ZNF407: variants seen among roughly 807,000 people sequenced by gnomAD.
ZNF407 encodes the protein zinc finger protein 407.
Under a neutral mutation model 131.2 loss-of-function variants are expected in ZNF407, and 17 were observed. The ratio of observed to expected loss-of-function variants is 0.13; its 90% CI spans 0.09 to 0.19. ZNF407 has a LOEUF of 0.19. ZNF407 is among the 10% of genes least tolerant of loss of function. The pLI is 1.00. For missense variants in ZNF407, 2,681 were observed against 2,830.6 expected (o/e 0.95, Z 1.20); for synonymous variants, 1,156 against 1,062.0 (o/e 1.09, Z -1.72).
chr18:74,638,910 G>A (rs1022623156), intron 2 of ZNF407, among the ~76,000 whole-genome samples: 2 of 152,024 alleles, frequency 1.3e-5, no homozygotes, highest in African/African-American at 4.8e-5. Context: ...AAGGAAAAAA[G>A]GGCCCTTTTT....
intron 4 of ZNF407, among the ~76,000 whole-genome samples, chr18:74,793,216 A>G (rs913727193): frequency 6.6e-6 from 1 of 152,188 alleles, no homozygotes; most frequent in African/African-American, 2.4e-5. Flanking sequence ...AAAGAATCCA[A>G]CTGCTGGAGT....
chr18:75,013,341 G>A (rs1178960104), intron 8 of ZNF407, among the ~76,000 whole-genome samples: 1 of 152,068 alleles, frequency 6.6e-6, no homozygotes, highest in South Asian at 2.1e-4. Context: ...TTTATTAAGT[G>A]ATGGGTAGTT....
intron 4 of ZNF407, among the ~76,000 whole-genome samples, chr18:74,867,584 G>A (rs1568247666): frequency 6.6e-6 from 1 of 152,284 alleles, no homozygotes; most frequent in East Asian, 1.9e-4. Flanking sequence ...GTATCTGACT[G>A]CAAATGTGAT....
intron 4 of ZNF407, among the ~76,000 whole-genome samples, chr18:74,840,474 C>T (rs1432108425): frequency 6.6e-6 from 1 of 152,104 alleles, no homozygotes; most frequent in East Asian, 1.9e-4. Context: ...AGTGGAAAAA[C>T]TCGTTTATTC....
intron 3 of ZNF407, among the ~76,000 whole-genome samples, chr18:74,649,794 T>C (rs1985143196): frequency 6.6e-6 from 1 of 152,252 alleles, no homozygotes; most frequent in Admixed American, 6.5e-5. Flanking sequence ...TAGCTACCAT[T>C]CTTTTTAACA....
At chr18:74,742,559 C>A (rs1348413406) in intron 3 of ZNF407, among the ~76,000 whole-genome samples, 3 of 151,824 alleles carry the variant, frequency 2.0e-5, no homozygotes, top group Non-Finnish European at 4.4e-5. Context: ...TCAACTCTAC[C>A]CTTTAAAGTT....
chr18:74,936,804 T>C (rs1972045174), intron 8 of ZNF407, among the ~76,000 whole-genome samples: 1 of 152,210 alleles, frequency 6.6e-6, no homozygotes, highest in Non-Finnish European at 1.5e-5. Context: ...CTTTAATATT[T>C]CCAAATAATT....
At chr18:74,952,387 A>G (rs113743437) in intron 8 of ZNF407, among the ~76,000 whole-genome samples, 3,492 of 152,288 alleles carry the variant, frequency 0.023, 60 homozygotes, top group South Asian at 0.035. Flanking sequence ...ACTTGGGCAC[A>G]GGGAGTTTAG....
intron 5 of ZNF407, among the ~76,000 whole-genome samples, chr18:74,879,170 A>C (rs1971203445): frequency 6.6e-6 from 1 of 152,174 alleles, no homozygotes; most frequent in African/African-American, 2.4e-5. Context: ...TATAAATCTT[A>C]AGAGGGATTT....
At chr18:74,937,345 A>G (rs984679243) in intron 8 of ZNF407, among the ~76,000 whole-genome samples, 23 of 152,218 alleles carry the variant, frequency 1.5e-4, no homozygotes, top group African/African-American at 5.5e-4. Context: ...TCATGCTACT[A>G]TTAGTTTTAA....
chr18:74,728,116 A>G (rs1001111459), intron 3 of ZNF407, among the ~76,000 whole-genome samples: 2 of 152,208 alleles, frequency 1.3e-5, no homozygotes, highest in African/African-American at 4.8e-5. Context: ...TACATTAGAA[A>G]AAACTGCAGG....
chr18:74,625,863 G>A (rs1028863062), intron 1 of ZNF407, among the ~76,000 whole-genome samples: 18 of 152,136 alleles, frequency 1.2e-4, no homozygotes, highest in African/African-American at 4.3e-4. Flanking sequence ...TATATGGCTG[G>A]ATAAAATAAA....
In ZNF407 at chr18:74,635,846, G is replaced by A; in HGVS notation, c.4687+140G>A. 2.6e-6 allele frequency: 3 copies of A among 1,148,966 alleles called. No homozygotes were observed. Among genetic ancestry groups the A allele is most frequent in the Non-Finnish European group, 2.4e-6 (2 of 843,492 alleles). The allele number at this position is 1,148,966 out of a possible 1,614,324, so 71.2% of individuals were successfully genotyped here. On this transcript the variant is annotated intron_variant, in intron 2 of 8. Coordinates refer to ENST00000299687, the MANE Select transcript of ZNF407 (RefSeq NM_017757.3). This position sits in a 1 kb window ranked among gnomAD's most constrained non-coding sequence, Gnocchi z 4.7. ...CTGCCGTGTGCTGCTCTGCTTGTCT[G>A]CAATAAGTCATTGTTGACACTTAAC...
intron 8 of ZNF407, among the ~76,000 whole-genome samples, chr18:75,008,308 A>G (rs1398018892): frequency 6.6e-6 from 1 of 152,208 alleles, no homozygotes; most frequent in Non-Finnish European, 1.5e-5. Context: ...CTCATGATGA[A>G]TCATTATACA....
rs922642127 is a variant in ZNF407 at position 75,010,217 on chromosome 18, CT to C, written c.5429-52932del. 4.6e-5 allele frequency among the ~76,000 whole-genome samples: 7 copies of C among 152,302 alleles called. No individual in the cohort carries two copies. The East Asian group carries it at 9.6e-4, about 21-fold the overall frequency. On this transcript the variant is annotated intron_variant, in intron 8 of 8. Coordinates refer to ENST00000299687, the MANE Select transcript of ZNF407 (RefSeq NM_017757.3). ...AGAATTCCCAACCACATATTTCCCC[CT>C]GTCTACATGAGATTTCATCTCATGA...
chr18:74,634,511 T>C lies in ZNF407; in HGVS notation c.3492T>C (p.Phe1164=), dbSNP rs375338473. 34 of 1,613,760 alleles carry C rather than the reference T, an allele frequency of 2.1e-5. No homozygotes were observed. The highest frequency in any genetic ancestry group is 2.8e-5 in the Non-Finnish European group (33 of 1,179,896). The change falls in exon 2 of 9, where the codon TTT becomes TTC. Residue 1164 remains phenylalanine (F), a synonymous_variant. Coordinates refer to ENST00000299687, the MANE Select transcript of ZNF407 (RefSeq NM_017757.3). ...EESNFNEDHS[F]CETFQQAPVK... ...CTAATTTCAATGAAGACCATTCCTT[T>C]TGTGAGACTTTCCAACAGGCTCCTG...
At chr18:74,847,341 GT>G (rs1271394119) in intron 4 of ZNF407, among the ~76,000 whole-genome samples, 1 of 152,078 alleles carries the variant, frequency 6.6e-6, no homozygotes, top group Non-Finnish European at 1.5e-5. Flanking sequence ...ACCACTCCAT[GT>G]TTTTCTCCCT....
At position 74,916,554 on chromosome 18, in the gene ZNF407, T is replaced by A. The variant is rs1169904375; in HGVS notation, c.5250-3960T>A. 1.1e-4 allele frequency among the ~76,000 whole-genome samples: 5 copies of A among 47,448 alleles called. No individual in the cohort carries two copies. The South Asian group carries it at 2.4e-3, about 23-fold the overall frequency. 31.1% of individuals were successfully genotyped at this position (47,448 alleles called of 152,430 possible). On this transcript the variant is annotated intron_variant, in intron 7 of 8. Transcript: ENST00000299687. ...GTGCAGCATTGGTTCGAATCGGGAG[T>A]GTGTGTGTGTGTGTGTGTGCATGCA...
intron 8 of ZNF407, among the ~76,000 whole-genome samples, chr18:75,061,103 A>G (rs974932216): frequency 2.6e-5 from 4 of 152,248 alleles, no homozygotes; most frequent in African/African-American, 9.6e-5. Flanking sequence ...CACCAACACG[A>G]TAAGCAAAAT....
Sources: allele counts gnomAD v4.1 joint callset (sites outside exome capture counted in the v4.1 genomes callset), GRCh38; gene constraint gnomAD v4.1.1; non-coding constraint Gnocchi (gnomAD v3.1); transcripts MANE v1.5; gene names NCBI Gene and HGNC (gene_info 2026-07-23, HGNC 2026-07-21).